Variants in SVOP observed in about 807,000 individuals in gnomAD.
The protein encoded by SVOP is synaptic vesicle 2-related protein.
In SVOP, 17 loss-of-function variants were observed where a neutral mutation model predicts 69.1. The ratio of observed to expected loss-of-function variants is 0.25; its 90% CI spans 0.17 to 0.37. The LOEUF (loss-of-function observed/expected upper bound fraction) is 0.37. SVOP is among the 10% of genes least tolerant of loss of function. SVOP has a pLI of 1.00. For missense variants in SVOP, 435 were observed against 597.5 expected (o/e 0.73, Z 2.84); for synonymous variants, 238 against 238.6 (o/e 1.00, Z 0.02).
At chr12:108,998,387 G>T (rs1048188301) in intron 1 of SVOP, among the ~76,000 whole-genome samples, 1 of 152,092 alleles carries the variant, frequency 6.6e-6, no homozygotes, top group Non-Finnish European at 1.5e-5. Flanking sequence ...AAAACACTCT[G>T]CAGGATATTA....
At chr12:108,929,813 T>C (rs1185458607) in intron 11 of SVOP, among the ~76,000 whole-genome samples, 1 of 152,220 alleles carries the variant, frequency 6.6e-6, no homozygotes, top group African/African-American at 2.4e-5. Flanking sequence ...CCTTCACTGC[T>C]TTCACTTCTG....
At chr12:109,016,796 G>A (rs1441626351) in intron 1 of SVOP, among the ~76,000 whole-genome samples, 1 of 149,530 alleles carries the variant, frequency 6.7e-6, no homozygotes, top group Non-Finnish European at 1.5e-5. Context: ...AGGCTGGAGT[G>A]CAGTGTCATG....
At chr12:108,945,690 C>A (rs2039918387) in intron 6 of SVOP, among the ~76,000 whole-genome samples, 1 of 152,112 alleles carries the variant, frequency 6.6e-6, no homozygotes, top group South Asian at 2.1e-4. Context: ...CCCGGCCTCA[C>A]CTGCATTTTT....
intron 11 of SVOP, among the ~76,000 whole-genome samples, chr12:108,928,253 G>T (rs188537379): frequency 1.7e-4 from 26 of 151,912 alleles, no homozygotes; most frequent in Non-Finnish European, 3.5e-4. Flanking sequence ...CTTTTGTCAG[G>T]CTCCTCTGAG....
intron 10 of SVOP, chr12:108,937,037 G>A: frequency 1.9e-6 from 1 of 523,060 alleles, no homozygotes; most frequent in Non-Finnish European, 3.5e-6. Context: ...ACTCCAGCCT[G>A]CACGGTGATT....
intron 5 of SVOP, among the ~76,000 whole-genome samples, chr12:108,966,507 G>A (rs904719186): frequency 6.6e-6 from 1 of 152,038 alleles, no homozygotes; most frequent in African/African-American, 2.4e-5. Flanking sequence ...GGCAGATCAA[G>A]GAGGTTCTCG....
chr12:109,008,960 C>CTTTTTTTTTTTTTTTTTTTTTT (rs71079510), intron 1 of SVOP, among the ~76,000 whole-genome samples: 2 of 112,746 alleles, frequency 1.8e-5, no homozygotes, highest in African/African-American at 7.2e-5. Flanking sequence ...TCTTTTCTTT[C>CTTTTTTTTTTTTTTTTTTTTTT]TTTTTTTTTT....
intron 8 of SVOP, among the ~76,000 whole-genome samples, chr12:108,940,353 G>A (rs2039883429): frequency 6.6e-6 from 1 of 152,174 alleles, no homozygotes; most frequent in Non-Finnish European, 1.5e-5. Flanking sequence ...TTTATGCACA[G>A]ATGAGATGAA....
chr12:108,985,990 C>T (rs1310132221), intron 1 of SVOP, among the ~76,000 whole-genome samples: 1 of 152,164 alleles, frequency 6.6e-6, no homozygotes, highest in East Asian at 1.9e-4. Flanking sequence ...AACTCCACTC[C>T]TTGGCAAGGC....
rs1397908700 is a variant in SVOP, at chr12:108,922,766, T to C, written c.1080A>G (p.Lys360=). The change falls in exon 12 of 16, where the codon AAA becomes AAG. Residue 360 remains lysine, a synonymous_variant. Coordinates refer to ENST00000610966, the MANE Select transcript of SVOP (RefSeq NM_018711.5). The stretch of plus-strand genomic sequence containing the variant: ...TCAGGTACTCGCAGGCCAGGCTGCA[T>C]TTTGCCTCTACAGCCTTCTTCCGAC... ...ISSRKKAVEA[K]CSLACEYLSE... 3 of 1,610,618 alleles carry C rather than the reference T, an allele frequency of 1.9e-6. No homozygotes were observed. The highest frequency in any genetic ancestry group is 1.7e-5 in the Admixed American group (1 of 59,506).
intron 4 of SVOP, among the ~76,000 whole-genome samples, chr12:108,974,858 T>C (rs2040098436): frequency 6.6e-6 from 1 of 152,218 alleles, no homozygotes; most frequent in Non-Finnish European, 1.5e-5. Context: ...AAACAAATGA[T>C]GGCAGATATC....
chr12:109,003,966 C>T (rs541186976), intron 1 of SVOP, among the ~76,000 whole-genome samples: 6 of 152,106 alleles, frequency 3.9e-5, no homozygotes, highest in Admixed American at 1.3e-4. Flanking sequence ...CCACAAAAAG[C>T]GAGGGCACCT....
chr12:109,004,378 T>G (rs1264691228), intron 1 of SVOP, among the ~76,000 whole-genome samples: 2 of 150,850 alleles, frequency 1.3e-5, no homozygotes, highest in African/African-American at 4.8e-5. Flanking sequence ...GTACCTTAAA[T>G]TAGGGCCTGT....
In SVOP at chr12:108,908,535, C is replaced by A. The variant is rs11114093; in HGVS notation, c.*4000G>T. Reference sequence around the variant, plus strand: ...CATCAGCTGGAAGGGAGTTGCAGCCCCCCCCTGCAGACAGGGCTGGTGTTT... The same window carrying A: ...CATCAGCTGGAAGGGAGTTGCAGCCACCCCCTGCAGACAGGGCTGGTGTTT... On this transcript the variant is annotated 3_prime_UTR_variant, in exon 16 of 16. Transcript: ENST00000610966. 47,977 of 152,006 alleles carry A rather than the reference C, an allele frequency of 0.32. 9,719 individuals are homozygous for A. Among genetic ancestry groups the A allele is most frequent in the East Asian group, 0.53 (2,739 of 5,164 alleles). The allele number at this position is 152,006 out of a possible 1,614,324, so 9.4% of individuals were successfully genotyped here.
chr12:108,943,420 A>C (rs747501562), intron 7 of SVOP, among the ~76,000 whole-genome samples: 1 of 151,466 alleles, frequency 6.6e-6, no homozygotes, highest in Non-Finnish European at 1.5e-5. Flanking sequence ...AGATGGTAAA[A>C]CTTGTCTCTA....
rs937708881 is a variant in SVOP, at chr12:109,011,444, C to T, written c.35+9390G>A. 3.3e-5 allele frequency among the ~76,000 whole-genome samples: 5 copies of T among 152,208 alleles called. No individual in the cohort carries two copies. The South Asian group carries it at 6.2e-4, about 19-fold the overall frequency. On this transcript the variant is annotated intron_variant, in intron 1 of 15. Transcript: ENST00000610966. ...TGAGTGACAATGATGCCCTATCTCT[C>T]TTCCTTGTCTAGGGATCCTCCCCCT... is the stretch of plus-strand genomic sequence containing the variant.
intron 1 of SVOP, among the ~76,000 whole-genome samples, chr12:109,006,547 G>A (rs961688475): frequency 2.0e-5 from 3 of 152,176 alleles, no homozygotes; most frequent in Non-Finnish European, 2.9e-5. Flanking sequence ...GGGGGAGAAC[G>A]TGACCAAGAG....
At chr12:108,913,879 G>A (rs1201689768) in intron 15 of SVOP, among the ~76,000 whole-genome samples, 1 of 152,168 alleles carries the variant, frequency 6.6e-6, no homozygotes, top group Admixed American at 6.5e-5. Flanking sequence ...TTGAACACCT[G>A]ACCTCAAGTA....
At position 108,965,979 on chromosome 12, in the gene SVOP, C is replaced by T. The variant is rs559262765; in HGVS notation, c.454-4932G>A. On this transcript the variant is annotated intron_variant, in intron 5 of 15. Transcript: ENST00000610966. Reference sequence around the variant, plus strand: ...CCTCCCTCCCTCCATTCCCTCCCCCCACTTCCCTCCCTCCCTTCCTTCCTT... The same window carrying T: ...CCTCCCTCCCTCCATTCCCTCCCCCTACTTCCCTCCCTCCCTTCCTTCCTT... 5.3e-4 allele frequency among the ~76,000 whole-genome samples: 80 copies of T among 150,182 alleles called. 1 individual carries two copies. The highest frequency in any genetic ancestry group is 3.0e-3 in the Admixed American group (45 of 14,970).
Sources: allele counts gnomAD v4.1 joint callset (sites outside exome capture counted in the v4.1 genomes callset), GRCh38; gene constraint gnomAD v4.1.1; transcripts MANE v1.5; gene names NCBI Gene and HGNC (gene_info 2026-07-23, HGNC 2026-07-21).